The following GRIA2 variants were observed in gnomAD, a reference collection of about 807,000 sequenced individuals.
The protein encoded by GRIA2 is glutamate ionotropic receptor AMPA type subunit 2.
GRIA2 carries 14 observed loss-of-function variants against 97.3 expected under a neutral mutation model. The ratio of observed to expected loss-of-function variants is 0.14; its 90% CI spans 0.10 to 0.23. GRIA2 has a LOEUF of 0.23. GRIA2 is among the 10% of genes least tolerant of loss of function. The pLI, the probability that GRIA2 is intolerant of heterozygous loss-of-function variation, is 1.00. For missense variants in GRIA2, 558 were observed against 1,069.8 expected (o/e 0.52, Z 6.67); for synonymous variants, 412 against 387.8 (o/e 1.06, Z -0.73).
Position 157,333,958 on chromosome 4 carries a change from G to A in GRIA2, c.1156-52G>A, listed in dbSNP as rs564104751. ...GGCTTTGAAAATAATTAAATGCTTT[G>A]CTAATAGACAAGTCATTTATCCATA... On this transcript the variant is annotated intron_variant, in intron 8 of 15. Transcript: ENST00000264426. The A allele has an allele frequency of 1.0e-4, 84 of 837,350 alleles. No homozygotes were observed. The South Asian group carries it at 1.1e-3, about 11-fold the overall frequency. The allele number at this position is 837,350 out of a possible 1,614,324, so 51.9% of individuals were successfully genotyped here. A position where few individuals can be genotyped will look rare whatever the true frequency, so the allele number is the denominator to read the frequency against.
At chr4:157,262,981 G>A (rs1357598825) in intron 2 of GRIA2, among the ~76,000 whole-genome samples, 1 of 152,068 alleles carries the variant, frequency 6.6e-6, no homozygotes, top group East Asian at 1.9e-4. Context: ...AAGACACAGT[G>A]TGTAAACTGT....
Position 157,312,396 on chromosome 4 carries a change from T to C in GRIA2, c.470-283T>C, listed in dbSNP as rs78276881. 1.4e-3 allele frequency among the ~76,000 whole-genome samples: 206 copies of C among 152,242 alleles called. 2 individuals are homozygous for C. The East Asian group carries it at 0.037, about 27-fold the overall frequency. ...TTAACATTACACTTTAGTAATACTC[T>C]AAAGAAGACAGCTGAGGGTGTTGAA... On this transcript the variant is annotated intron_variant, in intron 3 of 15. Coordinates refer to ENST00000264426, the MANE Select transcript of GRIA2 (RefSeq NM_001083619.3).
rs780704893 is a variant in GRIA2 at position 157,364,171 on chromosome 4, T to A, written c.*740T>A. The A allele has an allele frequency of 6.6e-6, 1 of 152,520 alleles. No homozygotes were observed. The highest frequency in any genetic ancestry group is 1.5e-5 in the Non-Finnish European group (1 of 67,998). 9.4% of individuals were successfully genotyped at this position (152,520 alleles called of 1,614,324 possible). ...AGTAAACAAAGAGGAGATTCCAATC[T>A]TGTAATTTAATATTGTTATTAAAAC... On this transcript the variant is annotated 3_prime_UTR_variant, in exon 16 of 16. Transcript: ENST00000264426.
At chr4:157,253,775 T>A (rs956131808) in intron 2 of GRIA2, among the ~76,000 whole-genome samples, 1 of 152,114 alleles carries the variant, frequency 6.6e-6, no homozygotes, top group Non-Finnish European at 1.5e-5. Flanking sequence ...ATAATTTCAC[T>A]GGGAATTTTA....
chr4:157,252,280 C>A (rs1442464968), intron 2 of GRIA2, among the ~76,000 whole-genome samples: 1 of 152,062 alleles, frequency 6.6e-6, no homozygotes, highest in East Asian at 1.9e-4. Flanking sequence ...GTTGTGACTG[C>A]GAGCCGACTG....
At chr4:157,295,684 C>T (rs933420461) in intron 2 of GRIA2, among the ~76,000 whole-genome samples, 5 of 151,996 alleles carry the variant, frequency 3.3e-5, no homozygotes, top group African/African-American at 1.2e-4. Context: ...AAAATAACCC[C>T]ATTAATGCAA....
chr4:157,331,232 A>G (rs1322087164), intron 6 of GRIA2, among the ~76,000 whole-genome samples: 1 of 152,016 alleles, frequency 6.6e-6, no homozygotes, highest in African/African-American at 2.4e-5. Context: ...AATCATATTC[A>G]TAATATGCTA....
At chr4:157,239,989 T>A (rs969722258) in intron 2 of GRIA2, among the ~76,000 whole-genome samples, 1 of 152,138 alleles carries the variant, frequency 6.6e-6, no homozygotes, top group Admixed American at 6.6e-5. Context: ...CTTCTCTTGA[T>A]CCTCCTGAAC....
chr4:157,341,453 G>T lies in GRIA2; in HGVS notation c.2034G>T (p.Glu678Asp). The change falls in exon 12 of 16, where the codon GAG becomes GAT. Residue 678 changes from glutamate to aspartate, a missense_variant. Glu to Asp is a conservative substitution (Grantham distance 45). Around this residue, in one of 8 missense-constraint regions of GRIA2, gnomAD observed 125 missense variants for 310.2 expected, o/e 0.40. Transcript: ENST00000264426. The stretch of plus-strand genomic sequence containing the variant: ...CATTAGACTCTGGCTCCACTAAAGA[G>T]TTTTTCAGGGTAAGAGATTCTGCTT... ...YGTLDSGSTKEFFRRSKIAVF... is the reference protein window; with the variant it reads ...YGTLDSGSTKDFFRRSKIAVF... The T allele has an allele frequency of 6.3e-7, 1 of 1,599,812 alleles. No individual in the cohort carries two copies. Among genetic ancestry groups the T allele is most frequent in the Non-Finnish European group, 8.6e-7 (1 of 1,167,182 alleles).
At chr4:157,333,082 A>G in intron 7 of GRIA2, 96 bp downstream of exon 7, 5 of 1,036,234 alleles carry the variant, frequency 4.8e-6, no homozygotes, top group South Asian at 3.3e-5. Flanking sequence ...CCTTGTGTCT[A>G]ATATACAGGC....
intron 2 of GRIA2, among the ~76,000 whole-genome samples, chr4:157,288,395 AT>A (rs1341769958): frequency 4.6e-5 from 7 of 151,412 alleles, no homozygotes; most frequent in Non-Finnish European, 7.4e-5. Context: ...CTTTAACTTT[AT>A]TTTTTTAGGC....
intron 6 of GRIA2, among the ~76,000 whole-genome samples, chr4:157,322,996 T>G (rs1353400137): frequency 6.6e-6 from 1 of 152,150 alleles, no homozygotes; most frequent in Admixed American, 6.5e-5. Context: ...CAAGTAACTT[T>G]TTTTCAAAAA....
chr4:157,323,040 G>T (rs1319241193), intron 6 of GRIA2, among the ~76,000 whole-genome samples: 1 of 152,012 alleles, frequency 6.6e-6, no homozygotes, highest in Non-Finnish European at 1.5e-5. Flanking sequence ...CTTTAGTTGA[G>T]ATTCAGTATT....
intron 2 of GRIA2, among the ~76,000 whole-genome samples, chr4:157,235,096 C>T (rs1730185441): frequency 6.6e-6 from 1 of 152,042 alleles, no homozygotes; most frequent in Non-Finnish European, 1.5e-5. Flanking sequence ...TAAAGCAAAT[C>T]TGTATATTTA....
chr4:157,274,346 A>T (rs1466716826), intron 2 of GRIA2, among the ~76,000 whole-genome samples: 1 of 151,726 alleles, frequency 6.6e-6, no homozygotes, highest in South Asian at 2.1e-4. Flanking sequence ...TCCAATTTGG[A>T]TACCTTTTAT....
In GRIA2 at chr4:157,311,971, G is replaced by A. The variant is rs547384971; in HGVS notation, c.470-708G>A. On this transcript the variant is annotated intron_variant, in intron 3 of 15. Coordinates refer to ENST00000264426, the MANE Select transcript of GRIA2 (RefSeq NM_001083619.3). The stretch of plus-strand genomic sequence containing the variant: ...TTTTCCAAGTGATATGATGCTATAA[G>A]CAAAGTTACTAACAGGAAAATAGAC... Among the ~76,000 whole-genome samples, 6 of 152,000 alleles carry A rather than the reference G, an allele frequency of 3.9e-5. No individual in the cohort carries two copies. The East Asian group carries it at 1.2e-3, about 29-fold the overall frequency.
At chr4:157,328,619 AC>A (rs773692334) in intron 6 of GRIA2, among the ~76,000 whole-genome samples, 1 of 152,010 alleles carries the variant, frequency 6.6e-6, no homozygotes, top group Non-Finnish European at 1.5e-5. Flanking sequence ...GCTGAATCAA[AC>A]CAGACAATGC....
rs1222608061 is a variant in GRIA2 at position 157,230,885 on chromosome 4, G to A, written c.229+9078G>A. On this transcript the variant is annotated intron_variant, in intron 2 of 15. Transcript: ENST00000264426. ...TTTTATTTCTTAGCGAAAGGGTCTC[G>A]CTCTGTTCCCCAGGCTGGAGTGCAG... is the stretch of plus-strand genomic sequence containing the variant. Among the ~76,000 whole-genome samples the A allele has an allele frequency of 7.2e-5, 11 of 151,800 alleles. No individual in the cohort carries two copies. The East Asian group carries it at 1.9e-3, about 27-fold the overall frequency.
intron 2 of GRIA2, among the ~76,000 whole-genome samples, chr4:157,238,480 C>G (rs1486089945): frequency 6.6e-6 from 1 of 152,020 alleles, no homozygotes. Context: ...TACTCATCTG[C>G]TTATATTTTA....
Sources: gnomAD v4.1 joint callset for allele counts (sites outside exome capture counted in the v4.1 genomes callset) on GRCh38, gnomAD v4.1.1 for gene constraint, gnomAD v4.1.1 regional missense constraint, MANE v1.5 for transcripts, NCBI Gene and HGNC (gene_info 2026-07-23, HGNC 2026-07-21) for gene names.